Variants in DMD observed in about 807,000 individuals in gnomAD.
The protein encoded by DMD is mutant dystrophin.
A neutral mutation model predicts 330.1 loss-of-function variants in DMD; 63 were observed. The observed-to-expected ratio is 0.19, with a 90% CI of 0.16 to 0.24. The LOEUF is 0.24. Among genes scored for constraint, DMD ranks in the 10% least tolerant of loss-of-function variants. The probability of loss-of-function intolerance (pLI) is 1.00; values close to 1 mark genes in which losing one functional copy is unlikely to be tolerated. For missense variants in DMD, 3,344 were observed against 2,684.1 expected (o/e 1.25, Z -5.43); for synonymous variants, 1,223 against 959.8 (o/e 1.27, Z -5.07).
intron 55 of DMD, among the ~76,000 whole-genome samples, chrX:31,522,477 T>C (rs1331737672): frequency 9.6e-6 from 1 of 104,304 alleles, no homozygotes; most frequent in African/African-American, 3.6e-5. Flanking sequence ...TCTAATCTGT[T>C]TAAGATTTTT....
At chrX:32,191,433 G>A (rs2096975156) in intron 44 of DMD, among the ~76,000 whole-genome samples, 1 of 112,009 alleles carries the variant, frequency 8.9e-6, no homozygotes, top group Admixed American at 9.5e-5. Flanking sequence ...AGATTTGACT[G>A]TTTATTCATT....
At chrX:31,181,544 C>CA (rs2041156992) in intron 68 of DMD, among the ~76,000 whole-genome samples, 1 of 110,378 alleles carries the variant, frequency 9.1e-6, no homozygotes, top group Non-Finnish European at 1.9e-5. Flanking sequence ...CCCCACTCCC[C>CA]ACCCCCATGG....
At chrX:31,465,215 T>C (rs2066772351) in intron 59 of DMD, among the ~76,000 whole-genome samples, 1 of 111,474 alleles carries the variant, frequency 9.0e-6, no homozygotes, top group African/African-American at 3.3e-5. Flanking sequence ...TTTTTTTTAT[T>C]ATTATTATAC....
intron 44 of DMD, among the ~76,000 whole-genome samples, chrX:32,011,283 G>T (rs975906482): frequency 8.9e-6 from 1 of 112,031 alleles, no homozygotes; most frequent in Non-Finnish European, 1.9e-5. Context: ...CACCCAGAAT[G>T]GCTCATTAAG....
chrX:32,901,128 T>A (rs963143356), intron 2 of DMD, among the ~76,000 whole-genome samples: 1 of 111,568 alleles, frequency 9.0e-6, no homozygotes. Context: ...AATGAATTAT[T>A]TTATATTTAA....
chrX:31,978,102 C>T (rs905847560), intron 44 of DMD, among the ~76,000 whole-genome samples: 2 of 111,764 alleles, frequency 1.8e-5, no homozygotes, highest in Non-Finnish European at 3.8e-5. Flanking sequence ...TCTCTAGGAA[C>T]GCTTCCTTCT....
chrX:32,815,520 T>TATATATATATATACACACAC, intron 6 of DMD, among the ~76,000 whole-genome samples: 12 of 78,914 alleles, frequency 1.5e-4, no homozygotes, highest in African/African-American at 5.3e-4. Context: ...TATATATATA[T>TATATATATATATACACACAC]ACACACACAC....
chrX:31,159,811 A>T (rs1287955971), intron 74 of DMD, among the ~76,000 whole-genome samples: 1 of 112,440 alleles, frequency 8.9e-6, no homozygotes, highest in East Asian at 2.8e-4. Flanking sequence ...TATACTGATT[A>T]TGCAAGCTCT....
chrX:32,769,558 C>T (rs1483881682), intron 7 of DMD, among the ~76,000 whole-genome samples: 1 of 111,770 alleles, frequency 8.9e-6, no homozygotes, highest in East Asian at 2.8e-4. Context: ...TATTTTGGCA[C>T]TTATGTGTTA....
At chrX:33,331,736 C>T (rs2054180531) in intron 1 of DMD, among the ~76,000 whole-genome samples, 1 of 111,419 alleles carries the variant, frequency 9.0e-6, no homozygotes, top group Admixed American at 9.6e-5. Context: ...CCTCTATAAA[C>T]GTTTGCTCAA....
At chrX:32,400,314 G>A (rs1244905919) in intron 30 of DMD, among the ~76,000 whole-genome samples, 5 of 111,498 alleles carry the variant, frequency 4.5e-5, no homozygotes, top group African/African-American at 6.5e-5. Flanking sequence ...AAGCCCACTT[G>A]ATCATGGTGG....
chrX:32,979,891 A>T (rs745464672), intron 2 of DMD, among the ~76,000 whole-genome samples: 1 of 111,468 alleles, frequency 9.0e-6, no homozygotes, highest in African/African-American at 3.3e-5. Context: ...GAAAATCAGT[A>T]TCACCGTAAT....
intron 37 of DMD, among the ~76,000 whole-genome samples, chrX:32,357,449 C>T (rs2097806525): frequency 9.0e-6 from 1 of 111,274 alleles, no homozygotes; most frequent in South Asian, 3.8e-4. Flanking sequence ...GGGCCCAGCA[C>T]ACTGGTTTTA....
intron 55 of DMD, 112 bp downstream of exon 55, chrX:31,627,561 T>C: frequency 1.3e-6 from 1 of 775,318 alleles, no homozygotes; most frequent in Non-Finnish European, 1.9e-6. Flanking sequence ...TACATCAGGC[T>C]GTATAAAAGC....
At chrX:31,647,343 A>T (rs2080166421) in intron 54 of DMD, among the ~76,000 whole-genome samples, 1 of 111,985 alleles carries the variant, frequency 8.9e-6, no homozygotes, top group Admixed American at 9.5e-5. Context: ...GTTTAAGCAG[A>T]GGTCAAAAGC....
chrX:32,336,436 TC>T (rs2097715960), intron 41 of DMD, among the ~76,000 whole-genome samples: 1 of 112,042 alleles, frequency 8.9e-6, no homozygotes, highest in Non-Finnish European at 1.9e-5. Context: ...TGTCAAAATA[TC>T]CCATTACAAT....
chrX:32,589,670 GC>G (rs1440484227), intron 13 of DMD, among the ~76,000 whole-genome samples: 1 of 111,079 alleles, frequency 9.0e-6, no homozygotes, highest in Non-Finnish European at 1.9e-5. Flanking sequence ...TATACTACTT[GC>G]ATTTTTAAAA....
At chrX:32,629,764 C>T (rs1484349758) in intron 11 of DMD, among the ~76,000 whole-genome samples, 3 of 106,386 alleles carry the variant, frequency 2.8e-5, no homozygotes, top group Non-Finnish European at 3.9e-5. Flanking sequence ...TTCATGACAA[C>T]ACTGGTTGCA....
chrX:31,729,567 A>C, intron 52 of DMD, 64 bp downstream of exon 52: 1 of 852,727 alleles, frequency 1.2e-6, no homozygotes, highest in South Asian at 2.0e-5. Flanking sequence ...ATATGAACTT[A>C]AGTTTTTATT....
Sources: allele counts gnomAD v4.1 joint callset (sites outside exome capture counted in the v4.1 genomes callset), GRCh38; gene constraint gnomAD v4.1.1; transcripts MANE v1.5; gene names NCBI Gene and HGNC (gene_info 2026-07-23, HGNC 2026-07-21).